The following GRIN3A variants were observed in gnomAD, a reference collection of about 807,000 sequenced individuals.
GRIN3A encodes the protein glutamate ionotropic receptor NMDA type subunit 3A.
A neutral mutation model predicts 92.4 loss-of-function variants in GRIN3A; 47 were observed. The observed-to-expected ratio is 0.51, with a 90% CI of 0.40 to 0.65. The LOEUF (loss-of-function observed/expected upper bound fraction) is 0.65. GRIN3A is among the 30% of genes least tolerant of loss of function. The pLI is 0.00. For synonymous variants in GRIN3A, 527 were observed against 540.6 expected (o/e 0.97, Z 0.35); for missense variants, 1,324 against 1,393.1 (o/e 0.95, Z 0.79).
At chr9:101,654,167 TATC>T (rs1378557158) in intron 3 of GRIN3A, among the ~76,000 whole-genome samples, 1 of 151,764 alleles carries the variant, frequency 6.6e-6, no homozygotes, top group Non-Finnish European at 1.5e-5. Flanking sequence ...TTTTGAATAT[TATC>T]TTACAGTCTT....
chr9:101,588,204 A>G (rs1827972934), intron 6 of GRIN3A, among the ~76,000 whole-genome samples: 1 of 152,224 alleles, frequency 6.6e-6, no homozygotes, highest in South Asian at 2.1e-4. Context: ...GGGAGAAAAA[A>G]GATTCATTCA....
intron 6 of GRIN3A, among the ~76,000 whole-genome samples, chr9:101,603,606 G>T (rs1377830149): frequency 2.0e-5 from 3 of 152,162 alleles, no homozygotes; most frequent in Non-Finnish European, 4.4e-5. Flanking sequence ...CCTTTGAGGA[G>T]GTGGTAGGGA....
chr9:101,615,165 C>T (rs1452227007), intron 5 of GRIN3A, among the ~76,000 whole-genome samples: 1 of 148,532 alleles, frequency 6.7e-6, no homozygotes, highest in Non-Finnish European at 1.5e-5. Context: ...TAATTAGCTA[C>T]ATTTTGTTTT....
In GRIN3A at chr9:101,572,314, A is replaced by G. The variant is rs1827772002; in HGVS notation, c.*860T>C. On this transcript the variant is annotated 3_prime_UTR_variant, in exon 9 of 9. Transcript: ENST00000361820. The stretch of plus-strand genomic sequence containing the variant: ...TATTCCAGGTCCAACCTAAGGCCAC[A>G]ACCTTGCTTTGCCTTTTTCTCTCTT... The G allele has an allele frequency of 6.5e-6, 1 of 152,712 alleles. No homozygotes were observed. Among genetic ancestry groups the G allele is most frequent in the Non-Finnish European group, 1.5e-5 (1 of 68,092 alleles). 9.5% of individuals were successfully genotyped at this position (152,712 alleles called of 1,614,324 possible).
chr9:101,714,777 T>G (rs1829922708), intron 1 of GRIN3A, among the ~76,000 whole-genome samples: 1 of 152,096 alleles, frequency 6.6e-6, no homozygotes, highest in Non-Finnish European at 1.5e-5. Context: ...CTTGACAAAA[T>G]CAATGCAAAT....
chr9:101,732,589 T>A (rs1022743768), intron 1 of GRIN3A, among the ~76,000 whole-genome samples: 1 of 152,098 alleles, frequency 6.6e-6, no homozygotes, highest in Non-Finnish European at 1.5e-5. Flanking sequence ...CACTTTTTTT[T>A]AAGAGAAAAA....
In GRIN3A at chr9:101,686,761, G is replaced by C. The variant is rs751240778; in HGVS notation, c.1139C>G (p.Thr380Arg). Residue 380 changes from threonine to arginine, a missense_variant, in exon 2 of 9, where the codon ACA becomes AGA. Thr to Arg is a moderately conservative substitution (Grantham distance 71). Transcript: ENST00000361820. ...LPLGLIAHGK[T>R]TQSVFEHYVQ... ...GTAGTGCTCAAAGACAGACTGTGTTGTTTTTCCATGAGCAATGAGCCCTAA... is the reference window on the plus strand; with the variant it reads ...GTAGTGCTCAAAGACAGACTGTGTTCTTTTTCCATGAGCAATGAGCCCTAA... 8.7e-6 allele frequency: 14 copies of C among 1,614,012 alleles called. No homozygotes were observed. The highest frequency in any genetic ancestry group is 1.2e-5 in the Non-Finnish European group (14 of 1,180,008).
At chr9:101,619,212 T>C (rs901764382) in intron 5 of GRIN3A, among the ~76,000 whole-genome samples, 2 of 152,144 alleles carry the variant, frequency 1.3e-5, no homozygotes, top group Non-Finnish European at 2.9e-5. Flanking sequence ...GGCTTCAGGG[T>C]GAAAGATTTA....
At chr9:101,617,035 C>A (rs909188480) in intron 5 of GRIN3A, among the ~76,000 whole-genome samples, 19 of 150,402 alleles carry the variant, frequency 1.3e-4, no homozygotes, top group Admixed American at 2.0e-4. Flanking sequence ...CCCGTCTCTA[C>A]TAAAAATACA....
intron 4 of GRIN3A, among the ~76,000 whole-genome samples, chr9:101,625,165 G>T (rs1467775691): frequency 6.6e-6 from 1 of 151,886 alleles, no homozygotes; most frequent in Non-Finnish European, 1.5e-5. Flanking sequence ...TATTGTGTAG[G>T]TGTAGGTATT....
intron 6 of GRIN3A, chr9:101,595,156 T>A (rs1341036962): frequency 1.7e-6 from 1 of 571,618 alleles, no homozygotes; most frequent in Non-Finnish European, 3.1e-6. Flanking sequence ...AGGTGGGTGC[T>A]GTCTGGGCAG....
At chr9:101,674,665 T>G (rs888197160) in intron 2 of GRIN3A, among the ~76,000 whole-genome samples, 1 of 151,968 alleles carries the variant, frequency 6.6e-6, no homozygotes. Flanking sequence ...TTAATAAAAA[T>G]TTAGAGCCTG....
chr9:101,724,546 A>G (rs2119033628), intron 1 of GRIN3A, among the ~76,000 whole-genome samples: 1 of 152,216 alleles, frequency 6.6e-6, no homozygotes, highest in Middle Eastern at 3.4e-3. Flanking sequence ...CAGCCCAGAA[A>G]GGGGCTCCCA....
At chr9:101,675,292 C>T (rs1482918735) in intron 2 of GRIN3A, among the ~76,000 whole-genome samples, 1 of 151,964 alleles carries the variant, frequency 6.6e-6, no homozygotes, top group Non-Finnish European at 1.5e-5. Context: ...ATTTGCATAA[C>T]AGCTGAGATA....
At position 101,573,070 on chromosome 9, in the gene GRIN3A, T is replaced by C; in HGVS notation, c.*104A>G. On this transcript the variant is annotated 3_prime_UTR_variant, in exon 9 of 9. Coordinates refer to ENST00000361820, the MANE Select transcript of GRIN3A (RefSeq NM_133445.3). ...CTTGACCTTTAAGAAGACCTAGACCTCAGCTTCCCCACACCTTTGTCGATA... is the reference window on the plus strand; with the variant it reads ...CTTGACCTTTAAGAAGACCTAGACCCCAGCTTCCCCACACCTTTGTCGATA... 1 of 1,031,222 alleles carries C rather than the reference T, an allele frequency of 9.7e-7. No individual in the cohort carries two copies. 63.9% of individuals were successfully genotyped at this position (1,031,222 alleles called of 1,614,324 possible).
intron 3 of GRIN3A, among the ~76,000 whole-genome samples, chr9:101,661,630 A>G (rs568060954): frequency 3.9e-5 from 6 of 151,942 alleles, no homozygotes; most frequent in African/African-American, 1.4e-4. Context: ...GGACACTTAC[A>G]TGGTTTCCAA....
intron 1 of GRIN3A, among the ~76,000 whole-genome samples, chr9:101,689,924 G>A (rs1255563566): frequency 6.6e-6 from 1 of 152,156 alleles, no homozygotes; most frequent in Non-Finnish European, 1.5e-5. Flanking sequence ...AAAAGAGCAA[G>A]CTCATGGCCT....
rs1367273335 is a variant in GRIN3A at position 101,737,738 on chromosome 9, G to C, written c.242C>G (p.Pro81Arg). ...CGGGGACCGCCTAGTCCCTGGCTCC[G>C]GCTCATCCCTCTGGGCTCCTGCTCG... is the stretch of plus-strand genomic sequence containing the variant. ...DSRAGAQRDE[P>R]EPGTRRSPAP... Residue 81 changes from proline to arginine, a missense_variant, in exon 1 of 9, where the codon CCG becomes CGG. Coordinates refer to ENST00000361820, the MANE Select transcript of GRIN3A (RefSeq NM_133445.3). 3 of 1,527,984 alleles carry C rather than the reference G, an allele frequency of 2.0e-6. No individual in the cohort carries two copies. The South Asian group carries it at 3.6e-5, about 18-fold the overall frequency. The allele number at this position is 1,527,984 out of a possible 1,614,324, so 94.7% of individuals were successfully genotyped here.
At chr9:101,596,348 G>A (rs1389149030) in intron 6 of GRIN3A, among the ~76,000 whole-genome samples, 1 of 152,076 alleles carries the variant, frequency 6.6e-6, no homozygotes, top group East Asian at 1.9e-4. Flanking sequence ...ATATTGGAAT[G>A]TTTTTTTGTT....
Sources: allele counts gnomAD v4.1 joint callset (sites outside exome capture counted in the v4.1 genomes callset), GRCh38; gene constraint gnomAD v4.1.1; transcripts MANE v1.5; gene names NCBI Gene and HGNC (gene_info 2026-07-23, HGNC 2026-07-21).